CFTR: variants seen among roughly 807,000 people sequenced by gnomAD.
CFTR encodes the protein cystic fibrosis transmembrane conductance regulator.
In CFTR, 181 loss-of-function variants were observed where a neutral mutation model predicts 171.6. That is an observed-to-expected ratio of 1.05 (90% confidence interval 0.93 to 1.19). The LOEUF (loss-of-function observed/expected upper bound fraction) is 1.19. Ranked by LOEUF, CFTR falls within the 50% of genes most tolerant of loss-of-function variation. The pLI, the probability that CFTR is intolerant of heterozygous loss-of-function variation, is 0.00. For missense variants in CFTR, 1,968 were observed against 1,734.7 expected (o/e 1.13, Z -2.39); for synonymous variants, 583 against 608.0 (o/e 0.96, Z 0.60).
At chr7:117,566,338 G>A (rs141041377) in intron 11 of CFTR, among the ~76,000 whole-genome samples, 186 of 152,070 alleles carry the variant, frequency 1.2e-3, no homozygotes, top group African/African-American at 4.2e-3. Context: ...GGGAGGCTGA[G>A]GCATGAGAAT....
intron 7 of CFTR, among the ~76,000 whole-genome samples, chr7:117,538,618 A>C (rs927210765): frequency 6.6e-6 from 1 of 152,230 alleles, no homozygotes; most frequent in Non-Finnish European, 1.5e-5. Flanking sequence ...AAGGACACAC[A>C]TTGTAAATTC....
At chr7:117,485,581 G>A (rs1435852811) in intron 1 of CFTR, among the ~76,000 whole-genome samples, 1 of 152,120 alleles carries the variant, frequency 6.6e-6, no homozygotes, top group Non-Finnish European at 1.5e-5. Flanking sequence ...TTACTGTAGG[G>A]CATTGTGTCA....
chr7:117,585,037 A>G (rs1443688852), intron 11 of CFTR, among the ~76,000 whole-genome samples: 1 of 151,916 alleles, frequency 6.6e-6, no homozygotes, highest in Non-Finnish European at 1.5e-5. Flanking sequence ...TTTCTAAAGT[A>G]TAGACTGTAG....
At chr7:117,615,954 C>G (rs35615558) in intron 21 of CFTR, among the ~76,000 whole-genome samples, 2,308 of 152,066 alleles carry the variant, frequency 0.015, 42 homozygotes, top group African/African-American at 0.035. Context: ...TTATTATACT[C>G]TTTTTAAAAT....
At position 117,592,351 on chromosome 7, in the gene CFTR, T is replaced by G. The variant is rs779304728; in HGVS notation, c.2184T>G (p.Ser728=). The G allele has an allele frequency of 2.5e-6, 4 of 1,614,060 alleles. No homozygotes were observed. Among genetic ancestry groups the G allele is most frequent in the African/African-American group, 2.7e-5 (2 of 74,952 alleles). ...PLQMNGIEED[S]DEPLERRLSL... Reference sequence around the variant, plus strand: ...AAATGAATGGCATCGAAGAGGATTCTGATGAGCCTTTAGAGAGAAGGCTGT... The same window carrying G: ...AAATGAATGGCATCGAAGAGGATTCGGATGAGCCTTTAGAGAGAAGGCTGT... Residue 728 remains serine, a synonymous_variant, in exon 14 of 27, where the codon TCT becomes TCG. Coordinates refer to ENST00000003084, the MANE Select transcript of CFTR (RefSeq NM_000492.4).
intron 24 of CFTR, among the ~76,000 whole-genome samples, chr7:117,659,738 G>A (rs975645470): frequency 6.6e-6 from 1 of 152,204 alleles, no homozygotes; most frequent in Non-Finnish European, 1.5e-5. Flanking sequence ...CTTACTCATT[G>A]ATAGTAAGGT....
chr7:117,563,754 A>G (rs865915714), intron 11 of CFTR, among the ~76,000 whole-genome samples: 4 of 152,212 alleles, frequency 2.6e-5, no homozygotes, highest in Non-Finnish European at 5.9e-5. Flanking sequence ...CATTTAAAAA[A>G]TAAACAATTT....
chr7:117,592,851 T>C (rs1210298882), intron 14 of CFTR, among the ~76,000 whole-genome samples, 194 bp downstream of exon 14: 1 of 152,230 alleles, frequency 6.6e-6, no homozygotes. Flanking sequence ...CTTTTTGCAA[T>C]GGACATATCT....
intron 11 of CFTR, 84 bp downstream of exon 11, chr7:117,559,739 C>A: frequency 3.3e-6 from 3 of 909,396 alleles, no homozygotes; most frequent in South Asian, 1.4e-5. Context: ...CATATTCAAT[C>A]GGTTAGTCTA....
rs192561993 is a variant in CFTR at position 117,542,440 on chromosome 7, G to A, written c.1209+332G>A. 5.9e-5 allele frequency among the ~76,000 whole-genome samples: 9 copies of A among 152,144 alleles called. No homozygotes were observed. The East Asian group carries it at 7.7e-4, about 13-fold the overall frequency. Reference sequence around the variant, plus strand: ...GCAGATGCTGTAGTCCCAGCTGCTCGGGAGGCTGAGGCAGGAGAATCACTT... The same window carrying A: ...GCAGATGCTGTAGTCCCAGCTGCTCAGGAGGCTGAGGCAGGAGAATCACTT... On this transcript the variant is annotated intron_variant, in intron 9 of 26. Transcript: ENST00000003084.
intron 24 of CFTR, among the ~76,000 whole-genome samples, chr7:117,654,876 A>G (rs915214407): frequency 2.0e-5 from 3 of 152,126 alleles, no homozygotes; most frequent in African/African-American, 7.2e-5. Context: ...CCTCCTTTGA[A>G]ATCTTTCTTC....
chr7:117,547,543 T>G (rs1487650276), intron 9 of CFTR, among the ~76,000 whole-genome samples: 1 of 152,070 alleles, frequency 6.6e-6, no homozygotes, highest in Non-Finnish European at 1.5e-5. Flanking sequence ...AATAATTTGT[T>G]AATTAAAATG....
intron 4 of CFTR, among the ~76,000 whole-genome samples, chr7:117,534,027 G>GA (rs1382372551): frequency 6.6e-6 from 1 of 151,974 alleles, no homozygotes; most frequent in Admixed American, 6.6e-5. Flanking sequence ...ATTGTGAGGA[G>GA]AAAAAATAAT....
At chr7:117,485,720 A>G (rs2116611637) in intron 1 of CFTR, among the ~76,000 whole-genome samples, 1 of 152,216 alleles carries the variant, frequency 6.6e-6, no homozygotes, top group South Asian at 2.1e-4. Flanking sequence ...TCACAGCTGT[A>G]TTCAAGTTGC....
Position 117,556,525 on chromosome 7 carries a change from T to C in CFTR, c.1393-2939T>C, listed in dbSNP as rs1173740520. ...TTTGTTTCATTTCTTTTTTTTTTTT[T>C]TTTTTTTTTTTTGAGACGGAGTCTC... On this transcript the variant is annotated intron_variant, in intron 10 of 26. Coordinates refer to ENST00000003084, the MANE Select transcript of CFTR (RefSeq NM_000492.4). Among the ~76,000 whole-genome samples the C allele has an allele frequency of 2.4e-5, 3 of 123,570 alleles. No individual in the cohort carries two copies. The East Asian group carries it at 7.1e-4, about 29-fold the overall frequency. The allele number at this position is 123,570 out of a possible 152,430, so 81.1% of individuals were successfully genotyped here.
chr7:117,554,384 C>T (rs1799317496), intron 10 of CFTR, among the ~76,000 whole-genome samples: 3 of 152,118 alleles, frequency 2.0e-5, no homozygotes, highest in Non-Finnish European at 2.9e-5. Context: ...TCCAAGCTTT[C>T]TGGACTGAGT....
chr7:117,571,047 C>T (rs1791680747), intron 11 of CFTR, among the ~76,000 whole-genome samples: 1 of 152,036 alleles, frequency 6.6e-6, no homozygotes, highest in South Asian at 2.1e-4. Context: ...CATCTTTTTC[C>T]TCTCCCCTTG....
At chr7:117,596,946 C>T (rs777087479) in intron 15 of CFTR, among the ~76,000 whole-genome samples, 10 of 152,072 alleles carry the variant, frequency 6.6e-5, no homozygotes, top group South Asian at 4.1e-4. Context: ...GGATTGTAAA[C>T]GCACCAATCA....
chr7:117,553,025 G>C (rs1186581383), intron 10 of CFTR, among the ~76,000 whole-genome samples: 1 of 152,124 alleles, frequency 6.6e-6, no homozygotes, highest in Non-Finnish European at 1.5e-5. Context: ...ACACCTTAGA[G>C]AGACCCTCAC....
Sources: allele counts gnomAD v4.1 joint callset (sites outside exome capture counted in the v4.1 genomes callset), GRCh38; gene constraint gnomAD v4.1.1; transcripts MANE v1.5; gene names NCBI Gene and HGNC (gene_info 2026-07-23, HGNC 2026-07-21).